The following POFUT3 variants were observed in gnomAD, a reference collection of about 807,000 sequenced individuals.
POFUT3 encodes the protein protein O-fucosyltransferase 3.
At chr8:33,356,675 A>G in the POFUT3 span, among the ~76,000 whole-genome samples, 1 of 151,696 alleles carries the variant, frequency 6.6e-6, no homozygotes, top group African/African-American at 2.4e-5. Flanking sequence ...CTTTAGTTTA[A>G]TTAGATCCCA....
At chr8:33,455,504 A>T in the POFUT3 span, among the ~76,000 whole-genome samples, 1 of 152,162 alleles carries the variant, frequency 6.6e-6, no homozygotes, top group Non-Finnish European at 1.5e-5. Context: ...AGCCTGAGCA[A>T]AAAAGGGAGA....
chr8:33,344,479 A>T, the POFUT3 span, among the ~76,000 whole-genome samples: 2 of 152,228 alleles, frequency 1.3e-5, no homozygotes, highest in African/African-American at 4.8e-5. Flanking sequence ...GAAACTTGTG[A>T]TAACAGCTCA....
the POFUT3 span, among the ~76,000 whole-genome samples, chr8:33,382,246 C>T: frequency 1.3e-5 from 2 of 150,568 alleles, no homozygotes; most frequent in Non-Finnish European, 3.0e-5. Flanking sequence ...GAGCCGAGAT[C>T]ACACCACTGT....
chr8:33,453,471 TA>T, the POFUT3 span: 1 of 1,613,076 alleles, frequency 6.2e-7, no homozygotes, highest in Non-Finnish European at 8.5e-7. Flanking sequence ...CTGGAACTTT[TA>T]AACTCCTTCC....
the POFUT3 span, among the ~76,000 whole-genome samples, chr8:33,359,344 G>A: frequency 6.6e-6 from 1 of 152,196 alleles, no homozygotes; most frequent in African/African-American, 2.4e-5. Context: ...CTTTCCAAGA[G>A]TTTATGGCAT....
the POFUT3 span, among the ~76,000 whole-genome samples, chr8:33,466,226 G>A: frequency 2.0e-5 from 3 of 151,824 alleles, no homozygotes; most frequent in African/African-American, 7.3e-5. Context: ...AGACTAGCCT[G>A]GGCAACAAAA....
At chr8:33,419,074 G>A in the POFUT3 span, among the ~76,000 whole-genome samples, 1 of 152,272 alleles carries the variant, frequency 6.6e-6, no homozygotes, top group Admixed American at 6.5e-5. Context: ...AGGCTGGGAA[G>A]GTTGGGGGTG....
chr8:33,372,148 A>T, the POFUT3 span: 1 of 989,066 alleles, frequency 1.0e-6, no homozygotes, highest in Non-Finnish European at 1.2e-6. Flanking sequence ...CTCATTGCCA[A>T]GTTCTAATGT....
At chr8:33,440,278 C>T in the POFUT3 span, among the ~76,000 whole-genome samples, 1 of 152,132 alleles carries the variant, frequency 6.6e-6, no homozygotes, top group Non-Finnish European at 1.5e-5. Flanking sequence ...GGGAAGATTT[C>T]TTGAGCCTGG....
the POFUT3 span, among the ~76,000 whole-genome samples, chr8:33,378,930 T>A: frequency 2.0e-5 from 3 of 152,072 alleles, no homozygotes; most frequent in East Asian, 3.9e-4. Context: ...CCCACCCAAA[T>A]GTCATCTTGA....
At chr8:33,361,079 A>C in the POFUT3 span, 5 of 152,212 alleles carry the variant, frequency 3.3e-5, no homozygotes, top group Admixed American at 2.6e-4. Context: ...TGTGTGAACT[A>C]TATACATGAT....
the POFUT3 span, among the ~76,000 whole-genome samples, chr8:33,397,306 A>G: frequency 6.6e-6 from 1 of 152,122 alleles, no homozygotes; most frequent in Admixed American, 6.5e-5. Context: ...GGAAGAGGAG[A>G]GGTTTTGGGA....
the POFUT3 span, among the ~76,000 whole-genome samples, chr8:33,393,212 T>C: frequency 6.6e-6 from 1 of 152,232 alleles, no homozygotes; most frequent in Non-Finnish European, 1.5e-5. Context: ...TAACCTATGG[T>C]ATATCCATAA....
At chr8:33,439,845 T>A in the POFUT3 span, among the ~76,000 whole-genome samples, 1 of 151,944 alleles carries the variant, frequency 6.6e-6, no homozygotes, top group African/African-American at 2.4e-5. Flanking sequence ...CCAGCCTGGG[T>A]GACAGAGTGA....
At chr8:33,460,771 C>T in the POFUT3 span, 1 of 985,194 alleles carries the variant, frequency 1.0e-6, no homozygotes, top group Non-Finnish European at 1.2e-6. Flanking sequence ...CTCAGTTTCA[C>T]CTGTTTAAAA....
At chr8:33,318,470 A>G in the POFUT3 span, among the ~76,000 whole-genome samples, 1 of 133,816 alleles carries the variant, frequency 7.5e-6, no homozygotes, top group African/African-American at 2.8e-5. Context: ...ATTCTATTAT[A>G]TTATTATAAT....
the POFUT3 span, among the ~76,000 whole-genome samples, chr8:33,325,345 G>A: frequency 9.9e-5 from 15 of 152,096 alleles, no homozygotes; most frequent in Non-Finnish European, 1.9e-4. Context: ...CATTTGGTAT[G>A]CCTTCATTTT....
At chr8:33,361,801 T>A in the POFUT3 span, among the ~76,000 whole-genome samples, 5,794 of 152,302 alleles carry the variant, frequency 0.038, 226 homozygotes, top group East Asian at 0.1. Context: ...ATTTTTCATG[T>A]TCCTGAATAC....
At chr8:33,375,383 T>C in the POFUT3 span, among the ~76,000 whole-genome samples, 11 of 152,148 alleles carry the variant, frequency 7.2e-5, no homozygotes, top group African/African-American at 2.4e-4. Context: ...CATCTCAGGC[T>C]GCTGCTCCAC....
Sources: allele counts gnomAD v4.1 joint callset (sites outside exome capture counted in the v4.1 genomes callset), GRCh38; gene constraint gnomAD v4.1.1; transcripts MANE v1.5; gene names NCBI Gene and HGNC (gene_info 2026-07-23, HGNC 2026-07-21).